The following UGT2A1 variants were observed in gnomAD, a reference collection of about 807,000 sequenced individuals.
UGT2A1 encodes UDP glucuronosyltransferase family 2 member A1 complex locus, also known as UDP-glucuronosyltransferase 2A1.
UGT2A1 carries 61 observed loss-of-function variants against 45.4 expected under a neutral mutation model. The ratio of observed to expected loss-of-function variants is 1.34; its 90% CI spans 1.09 to 1.66. The LOEUF is 1.66. Ranked by LOEUF, UGT2A1 falls within the 40% of genes most tolerant of loss-of-function variation. UGT2A1 has a pLI of 0.00. For missense variants in UGT2A1, 649 were observed against 574.3 expected, an observed-to-expected ratio of 1.13 and a Z score of -1.33; for synonymous variants, 229 against 196.2, an observed-to-expected ratio of 1.17 and a Z score of -1.40.
chr4:69,596,453 A>G lies in UGT2A1; in HGVS notation c.997-1204T>C. ...AAAAAATAAGTTTACTTACACATTT[A>G]AGTAGGTAAAATTAAGATATATGTC... On this transcript the variant is annotated intron_variant, in intron 4 of 6. Transcript: ENST00000286604. The G allele has an allele frequency of 2.9e-6, 4 of 1,401,862 alleles. No individual in the cohort carries two copies. In the South Asian group the frequency reaches 5.5e-5, roughly 19 times the overall value. 86.8% of individuals were successfully genotyped at this position (1,401,862 alleles called of 1,614,324 possible).
At chr4:69,649,408 A>G (rs1326456677) in intron 1 of UGT2A1, among the ~76,000 whole-genome samples, 1 of 152,072 alleles carries the variant, frequency 6.6e-6, no homozygotes, top group Non-Finnish European at 1.5e-5. Flanking sequence ...AATTGTCATG[A>G]TTCACTAGGA....
At chr4:69,602,290 C>T (rs2109896717) in intron 3 of UGT2A1, among the ~76,000 whole-genome samples, 1 of 136,572 alleles carries the variant, frequency 7.3e-6, no homozygotes, top group Non-Finnish European at 1.6e-5. Context: ...CCAACAAAGG[C>T]ACTCCAAACA....
At chr4:69,609,333 T>C (rs930589610) in intron 3 of UGT2A1, among the ~76,000 whole-genome samples, 15 of 152,028 alleles carry the variant, frequency 9.9e-5, no homozygotes, top group Admixed American at 3.3e-4. Context: ...TTCTTTTCTT[T>C]TCTACTATTT....
At chr4:69,603,319 T>G (rs972272053) in intron 3 of UGT2A1, among the ~76,000 whole-genome samples, 1 of 136,376 alleles carries the variant, frequency 7.3e-6, no homozygotes, top group Admixed American at 7.2e-5. Flanking sequence ...AAACCACTTA[T>G]GTAATGAAAT....
chr4:69,628,105 A>G (rs191580991), intron 3 of UGT2A1, among the ~76,000 whole-genome samples: 3 of 151,986 alleles, frequency 2.0e-5, no homozygotes, highest in Admixed American at 2.0e-4. Context: ...GCATTTCCCT[A>G]TGCTTTCTTC....
intron 3 of UGT2A1, among the ~76,000 whole-genome samples, chr4:69,609,376 G>A (rs972303018): frequency 2.0e-5 from 3 of 151,310 alleles, no homozygotes; most frequent in Non-Finnish European, 4.4e-5. Context: ...TTGTTTGTTT[G>A]TGTTGTAGAG....
At chr4:69,630,005 A>G (rs951730690) in intron 3 of UGT2A1, among the ~76,000 whole-genome samples, 1 of 152,144 alleles carries the variant, frequency 6.6e-6, no homozygotes, top group Non-Finnish European at 1.5e-5. Context: ...TTAAAATTCC[A>G]AAATACCACA....
In UGT2A1 at chr4:69,592,276, A is replaced by G. The variant is rs1269227569; in HGVS notation, c.1304+2201T>C. Among the ~76,000 whole-genome samples, 3 of 152,174 alleles carry G rather than the reference A, an allele frequency of 2.0e-5. No homozygotes were observed. The East Asian group carries it at 5.8e-4, about 29-fold the overall frequency. On this transcript the variant is annotated intron_variant, in intron 6 of 6. Transcript: ENST00000286604. ...CTTCAAGCTTGGACTCTACATGAAA[A>G]CAATTAAGTCCAATACAACATAAAG...
intron 6 of UGT2A1, among the ~76,000 whole-genome samples, chr4:69,592,046 G>C (rs1718622781): frequency 6.6e-6 from 1 of 152,176 alleles, no homozygotes; most frequent in Admixed American, 6.5e-5. Flanking sequence ...GTCTTGGTAT[G>C]AATCTAAACC....
chr4:69,648,885 A>G (rs1353633020), intron 1 of UGT2A1, among the ~76,000 whole-genome samples: 1 of 152,012 alleles, frequency 6.6e-6, no homozygotes, highest in African/African-American at 2.4e-5. Context: ...CCCACAGCCT[A>G]TTGTATTAAC....
intron 2 of UGT2A1, among the ~76,000 whole-genome samples, chr4:69,643,613 GC>G (rs1216218028): frequency 6.6e-6 from 1 of 151,506 alleles, no homozygotes; most frequent in Non-Finnish European, 1.5e-5. Flanking sequence ...ATGAGTTTGA[GC>G]TAAATGCCCA....
intron 3 of UGT2A1, chr4:69,603,726 C>A (rs1236803523): frequency 7.3e-6 from 1 of 136,234 alleles, no homozygotes. Flanking sequence ...CCTTAAAGGA[C>A]CTGATGGAGC....
In UGT2A1 at chr4:69,589,283, T is replaced by C; in HGVS notation, c.*89A>G. On this transcript the variant is annotated 3_prime_UTR_variant, in exon 7 of 7. Transcript: ENST00000286604. ...AAACAGGATGGGAGACGTGTTTTTGTTAAACTCCTTTTGTCTGGAATTAAT... is the reference window on the plus strand; with the variant it reads ...AAACAGGATGGGAGACGTGTTTTTGCTAAACTCCTTTTGTCTGGAATTAAT... The C allele has an allele frequency of 5.0e-6, 7 of 1,402,490 alleles. No homozygotes were observed. The highest frequency in any genetic ancestry group is 6.6e-6 in the Non-Finnish European group (7 of 1,068,562). The allele number at this position is 1,402,490 out of a possible 1,614,324, so 86.9% of individuals were successfully genotyped here.
chr4:69,632,447 C>T (rs17147521), intron 3 of UGT2A1, among the ~76,000 whole-genome samples: 16,147 of 152,136 alleles, frequency 0.11, 875 homozygotes, highest in South Asian at 0.21. Context: ...TTCTTTGAAA[C>T]ATCCAATGGC....
intron 3 of UGT2A1, among the ~76,000 whole-genome samples, chr4:69,617,659 A>G (rs1409721138): frequency 6.6e-6 from 1 of 151,826 alleles, no homozygotes; most frequent in African/African-American, 2.4e-5. Flanking sequence ...TTTCATTAGC[A>G]ACATACAGGG....
intron 1 of UGT2A1, among the ~76,000 whole-genome samples, chr4:69,647,932 C>T (rs1722356262): frequency 6.6e-6 from 1 of 151,612 alleles, no homozygotes; most frequent in Non-Finnish European, 1.5e-5. Flanking sequence ...TACTCCAACC[C>T]TTTTTTGTGT....
chr4:69,627,486 A>G lies in UGT2A1; in HGVS notation c.847+8205T>C, dbSNP rs896162429. On this transcript the variant is annotated intron_variant, in intron 3 of 6. Coordinates refer to ENST00000286604, the MANE Select transcript of UGT2A1 (RefSeq NM_001252275.3). The stretch of plus-strand genomic sequence containing the variant: ...CAAGCAGGCAGGCAGGCAGGCAGGC[A>G]GGCATGCAGGAAGGAAGGAAGGAAA... Among the ~76,000 whole-genome samples the G allele has an allele frequency of 3.3e-4, 49 of 149,960 alleles. No homozygotes were observed. The East Asian group carries it at 9.0e-3, about 28-fold the overall frequency.
At chr4:69,610,680 C>G (rs1240877971) in intron 3 of UGT2A1, among the ~76,000 whole-genome samples, 3 of 151,962 alleles carry the variant, frequency 2.0e-5, no homozygotes, top group Admixed American at 6.6e-5. Flanking sequence ...TAGTGTCCTT[C>G]CAAGAAGAGG....
At chr4:69,590,638 A>AGTGTGTGT (rs4148321) in intron 6 of UGT2A1, among the ~76,000 whole-genome samples, 18 of 150,304 alleles carry the variant, frequency 1.2e-4, no homozygotes, top group African/African-American at 3.9e-4. Context: ...ACATGTGTTG[A>AGTGTGTGT]GTGTGTGTGT....
Sources: gnomAD v4.1 joint callset for allele counts (sites outside exome capture counted in the v4.1 genomes callset) on GRCh38, gnomAD v4.1.1 for gene constraint, MANE v1.5 for transcripts, NCBI Gene and HGNC (gene_info 2026-07-23, HGNC 2026-07-21) for gene names.